Variants in CTNND2 observed in about 807,000 individuals in gnomAD.
CTNND2 encodes catenin delta 2, also known as catenin delta-2.
In CTNND2, 22 loss-of-function variants were observed where a neutral mutation model predicts 144.4. That is an observed-to-expected ratio of 0.15 (90% CI 0.11 to 0.22). The LOEUF (loss-of-function observed/expected upper bound fraction) is 0.22, where lower values mean the gene tolerates loss of function less well. Ranked by LOEUF, CTNND2 falls within the 10% of genes least tolerant of loss-of-function variation. The pLI, the probability that CTNND2 is intolerant of heterozygous loss-of-function variation, is 1.00. For synonymous variants in CTNND2, 751 were observed against 695.6 expected, an observed-to-expected ratio of 1.08 and a Z score of -1.25; for missense variants, 1,353 against 1,618.8, an observed-to-expected ratio of 0.84 and a Z score of 2.82.
At chr5:11,157,289 C>T (rs375771134) in intron 12 of CTNND2, among the ~76,000 whole-genome samples, 24 of 152,168 alleles carry the variant, frequency 1.6e-4, no homozygotes, top group African/African-American at 5.5e-4. Context: ...CGAGTGCTGG[C>T]CTCTGCTGCC....
At chr5:11,260,389 G>T (rs1744735169) in intron 9 of CTNND2, among the ~76,000 whole-genome samples, 1 of 151,496 alleles carries the variant, frequency 6.6e-6, no homozygotes. Flanking sequence ...TACACACTAA[G>T]AAAAAAGGCT....
intron 21 of CTNND2, among the ~76,000 whole-genome samples, chr5:10,980,431 C>T (rs1212941950): frequency 6.6e-6 from 1 of 152,190 alleles, no homozygotes; most frequent in Non-Finnish European, 1.5e-5. Flanking sequence ...AATAGGAACG[C>T]TTTTACACTG....
intron 2 of CTNND2, among the ~76,000 whole-genome samples, chr5:11,708,632 T>C (rs980828939): frequency 6.6e-5 from 10 of 152,186 alleles, no homozygotes; most frequent in Non-Finnish European, 1.0e-4. Flanking sequence ...TTCTGCAGTG[T>C]GGCTCAAGTA....
intron 1 of CTNND2, among the ~76,000 whole-genome samples, chr5:11,799,629 A>G (rs1040723588): frequency 1.2e-4 from 19 of 152,204 alleles, no homozygotes; most frequent in Non-Finnish European, 1.5e-4. Flanking sequence ...TTACTACCAT[A>G]TTATGAAATA....
At chr5:11,247,331 G>A (rs73743723) in intron 9 of CTNND2, among the ~76,000 whole-genome samples, 3,248 of 152,210 alleles carry the variant, frequency 0.021, 128 homozygotes, top group African/African-American at 0.074. Context: ...GCATTTGAGT[G>A]TGAGAAAAGA....
intron 2 of CTNND2, among the ~76,000 whole-genome samples, chr5:11,678,611 C>T (rs1011634375): frequency 6.6e-6 from 1 of 152,162 alleles, no homozygotes; most frequent in Non-Finnish European, 1.5e-5. Context: ...GAGCAGGGAA[C>T]TGAGCTTAAC....
chr5:11,112,065 G>A (rs1302181739), intron 13 of CTNND2, among the ~76,000 whole-genome samples: 3 of 152,098 alleles, frequency 2.0e-5, no homozygotes, highest in Admixed American at 2.0e-4. Context: ...TAGCCAGGAT[G>A]GTCTCGATCT....
intron 12 of CTNND2, among the ~76,000 whole-genome samples, chr5:11,148,473 G>C (rs982540830): frequency 6.6e-6 from 1 of 152,204 alleles, no homozygotes; most frequent in African/African-American, 2.4e-5. Context: ...CCTGCAGGCA[G>C]GTGCATCTGG....
intron 5 of CTNND2, among the ~76,000 whole-genome samples, chr5:11,407,510 A>G (rs1761190272): frequency 6.6e-6 from 1 of 152,228 alleles, no homozygotes; most frequent in South Asian, 2.1e-4. Flanking sequence ...ACTGTGACTC[A>G]AATTTTATTT....
At chr5:11,095,647 T>G (rs1482707743) in intron 15 of CTNND2, among the ~76,000 whole-genome samples, 1 of 152,228 alleles carries the variant, frequency 6.6e-6, no homozygotes, top group Non-Finnish European at 1.5e-5. Context: ...TAAATTCTCT[T>G]CTAGAGGACA....
chr5:11,414,150 A>C (rs1285931762), intron 3 of CTNND2, among the ~76,000 whole-genome samples: 1 of 152,168 alleles, frequency 6.6e-6, no homozygotes, highest in Non-Finnish European at 1.5e-5. Flanking sequence ...TGATGCAGGC[A>C]CAAGTCAAGG....
chr5:11,442,874 AAAT>A (rs1764399397), intron 3 of CTNND2, among the ~76,000 whole-genome samples: 1 of 133,628 alleles, frequency 7.5e-6, no homozygotes, highest in South Asian at 2.1e-4. Context: ...TAATTATTAT[AAAT>A]ATTATATATA....
At chr5:11,786,172 AC>A (rs1790821654) in intron 1 of CTNND2, among the ~76,000 whole-genome samples, 2 of 152,198 alleles carry the variant, frequency 1.3e-5, no homozygotes. Context: ...CACTCAGGGG[AC>A]CAGGCCAGCT....
intron 3 of CTNND2, among the ~76,000 whole-genome samples, chr5:11,462,880 C>T (rs942887953): frequency 6.6e-6 from 1 of 151,972 alleles, no homozygotes; most frequent in African/African-American, 2.4e-5. Context: ...ACAAAATGAC[C>T]TATCAGAAGC....
At chr5:11,588,285 A>C (rs185002777) in intron 2 of CTNND2, among the ~76,000 whole-genome samples, 1 of 151,444 alleles carries the variant, frequency 6.6e-6, no homozygotes, top group East Asian at 1.9e-4. Flanking sequence ...TTCTTTCTGG[A>C]TGGGGTTATT....
chr5:11,827,970 A>G (rs1793687815), intron 1 of CTNND2, among the ~76,000 whole-genome samples: 1 of 152,208 alleles, frequency 6.6e-6, no homozygotes, highest in South Asian at 2.1e-4. Context: ...TTGCCAGAAC[A>G]GTACAGTCCA....
chr5:11,752,864 T>C (rs930764596), intron 1 of CTNND2, among the ~76,000 whole-genome samples: 3 of 151,842 alleles, frequency 2.0e-5, no homozygotes. Context: ...TCAGCAGTAT[T>C]TTGTAATTCT....
At chr5:11,078,929 A>G (rs1749242937) in intron 16 of CTNND2, among the ~76,000 whole-genome samples, 2 of 152,240 alleles carry the variant, frequency 1.3e-5, no homozygotes, top group Admixed American at 1.3e-4. Flanking sequence ...CCCGCTGTAT[A>G]ATGAATTACA....
In CTNND2 at chr5:11,145,737, C is replaced by A. The variant is rs1018092239; in HGVS notation, c.2159+13839G>T. Among the ~76,000 whole-genome samples the A allele has an allele frequency of 2.0e-5, 3 of 152,190 alleles. No homozygotes were observed. In the East Asian group the frequency reaches 5.8e-4, roughly 29 times the overall value. ...AGGAGCCCCGTGTCTCTTCCAATCACACTTCCATGGTTCCACGCAGTCTAC... is the reference window on the plus strand; with the variant it reads ...AGGAGCCCCGTGTCTCTTCCAATCAAACTTCCATGGTTCCACGCAGTCTAC... On this transcript the variant is annotated intron_variant, in intron 12 of 21. Transcript: ENST00000304623.
Sources: allele counts gnomAD v4.1 joint callset (sites outside exome capture counted in the v4.1 genomes callset), GRCh38; gene constraint gnomAD v4.1.1; transcripts MANE v1.5; gene names NCBI Gene and HGNC (gene_info 2026-07-23, HGNC 2026-07-21).